Variants in SANBR observed in about 807,000 individuals in gnomAD.
The protein encoded by SANBR is SANT and BTB domain regulator of class switch recombination.
A neutral mutation model predicts 101.8 loss-of-function variants in SANBR; 77 were observed. The ratio of observed to expected loss-of-function variants is 0.76; its 90% CI spans 0.63 to 0.91. The LOEUF (loss-of-function observed/expected upper bound fraction) is 0.91, where lower values mean the gene tolerates loss of function less well. Among genes scored for constraint, SANBR ranks in the 40% least tolerant of loss-of-function variants. SANBR has a pLI of 0.00. For missense variants in SANBR, 875 were observed against 853.0 expected (o/e 1.03, Z -0.32); for synonymous variants, 279 against 274.7 (o/e 1.02, Z -0.15).
chr2:61,117,299 T>C, intron 17 of SANBR, 58 bp from the exon 18 acceptor site: 1 of 1,438,626 alleles, frequency 7.0e-7, no homozygotes, highest in Non-Finnish European at 9.8e-7. Flanking sequence ...TTACTAACTA[T>C]AGCACTAATC....
chr2:61,122,928 A>G lies in SANBR; in HGVS notation c.*766A>G, dbSNP rs912578706. 4 of 985,356 alleles carry G rather than the reference A, an allele frequency of 4.1e-6. No individual in the cohort carries two copies. In the African/African-American group the frequency reaches 5.2e-5, roughly 13 times the overall value. The allele number at this position is 985,356 out of a possible 1,614,324, so 61.0% of individuals were successfully genotyped here. A position where few individuals can be genotyped will look rare whatever the true frequency, so the allele number is the denominator to read the frequency against. ...TAGGATAGTAAATCATTTCTGTTAT[A>G]TGAGACACCCACTGTACAGTTCTCA... On this transcript the variant is annotated 3_prime_UTR_variant, in exon 22 of 22. Transcript: ENST00000402291.
Position 61,132,879 on chromosome 2 carries a change from A to C in SANBR, c.2029-1258A>C, listed in dbSNP as rs1341533931. On this transcript the variant is annotated intron_variant, in intron 20 of 21. Transcript: ENST00000295031. ...CTAAGTGAAAGAAGCCAGACACAAAAGATCACACGCTGCATGACTCTATTT... is the reference window on the plus strand; with the variant it reads ...CTAAGTGAAAGAAGCCAGACACAAACGATCACACGCTGCATGACTCTATTT... Among the ~76,000 whole-genome samples the C allele has an allele frequency of 2.6e-5, 4 of 152,266 alleles. No individual in the cohort carries two copies. The East Asian group carries it at 5.8e-4, about 22-fold the overall frequency.
chr2:61,115,035 C>T (rs1356399107), intron 16 of SANBR, among the ~76,000 whole-genome samples: 1 of 152,080 alleles, frequency 6.6e-6, no homozygotes, highest in Non-Finnish European at 1.5e-5. Context: ...ATGTATTTTT[C>T]AGGTTTTGAT....
chr2:61,080,443 C>T (rs1412834617), intron 6 of SANBR, among the ~76,000 whole-genome samples: 1 of 152,162 alleles, frequency 6.6e-6, no homozygotes, highest in Non-Finnish European at 1.5e-5. Context: ...AGAGCCTTCA[C>T]CGGGCGTGGT....
rs367590453 is a variant in SANBR at position 61,134,277 on chromosome 2, G to T, written c.*44+1G>T. 6.4e-7 allele frequency: 1 copy of T among 1,551,200 alleles called. No homozygotes were observed. Among genetic ancestry groups the T allele is most frequent in the Non-Finnish European group, 8.7e-7 (1 of 1,143,848 alleles). Reference sequence around the variant, plus strand: ...GACTTGGAATACTGCTTGACATATCGTAAGTGCTCAAAAATGTTAGCTATT... The same window carrying T: ...GACTTGGAATACTGCTTGACATATCTTAAGTGCTCAAAAATGTTAGCTATT... On this transcript the variant is annotated splice_donor_variant, in intron 21 of 21. Transcript: ENST00000295031. LOFTEE classifies it low-confidence loss of function (3UTR_SPLICE).
At chr2:61,082,820 GA>G (rs962109490) in intron 7 of SANBR, among the ~76,000 whole-genome samples, 4 of 145,266 alleles carry the variant, frequency 2.8e-5, no homozygotes, top group African/African-American at 7.5e-5. Context: ...CTCCATCTCA[GA>G]AAAAAAAAAG....
intron 21 of SANBR, among the ~76,000 whole-genome samples, chr2:61,134,841 C>A (rs1353243660): frequency 6.6e-6 from 1 of 151,934 alleles, no homozygotes; most frequent in East Asian, 1.9e-4. Context: ...TTGCAGTGAG[C>A]TGAGATCGCG....
chr2:61,128,898 G>A (rs921179571), downstream of SANBR, among the ~76,000 whole-genome samples: 1 of 151,956 alleles, frequency 6.6e-6, no homozygotes, highest in Non-Finnish European at 1.5e-5. Flanking sequence ...GGAGTTGGAG[G>A]CTGCAGTGAG....
chr2:61,117,417 C>CTTAT (rs779780731), intron 18 of SANBR, 32 bp downstream of exon 18: 103 of 1,612,344 alleles, frequency 6.4e-5, no homozygotes, highest in Middle Eastern at 1.6e-4. Flanking sequence ...AATCGGATAT[C>CTTAT]CACTCTTAAA....
At chr2:61,089,698 C>T (rs1243330564) in intron 10 of SANBR, 1 of 152,206 alleles carries the variant, frequency 6.6e-6, no homozygotes, top group African/African-American at 2.4e-5. Context: ...TAAATAAATA[C>T]ATAATACATA....
chr2:61,092,365 CAA>C (rs1255772658), intron 10 of SANBR, 97 bp from the exon 11 acceptor site: 1 of 921,950 alleles, frequency 1.1e-6, no homozygotes, highest in East Asian at 3.4e-5. Context: ...GCCTGGGCAA[CAA>C]GAGTGAAACT....
At chr2:61,089,075 C>G (rs539992934) in intron 10 of SANBR, 1 of 978,824 alleles carries the variant, frequency 1.0e-6, no homozygotes, top group African/African-American at 1.7e-5. Context: ...TTTTCACTAA[C>G]AGATTTTAGT....
In SANBR at chr2:61,080,876, T is replaced by C. The variant is rs544605416; in HGVS notation, c.671-576T>C. 3.3e-5 allele frequency among the ~76,000 whole-genome samples: 5 copies of C among 152,344 alleles called. No individual in the cohort carries two copies. The East Asian group carries it at 9.6e-4, about 29-fold the overall frequency. On this transcript the variant is annotated intron_variant, in intron 6 of 21. Coordinates refer to ENST00000402291, the MANE Select transcript of SANBR (RefSeq NM_001129993.3). The stretch of plus-strand genomic sequence containing the variant: ...GATGCAAAACAGAGTTTTCTTTCCT[T>C]AAACATACCTCGTGGGAGATGACAG...
In SANBR at chr2:61,123,827, C is replaced by T; in HGVS notation, c.*1665C>T. On this transcript the variant is annotated 3_prime_UTR_variant, in exon 22 of 22. Coordinates refer to ENST00000402291, the MANE Select transcript of SANBR (RefSeq NM_001129993.3). ...ATGCTTTTGGCCAGGTGTAGTGGCT[C>T]ACGCCAGTAATCCCAGCACTTTGGG... The T allele has an allele frequency of 2.0e-6, 2 of 979,546 alleles. No individual in the cohort carries two copies. The highest frequency in any genetic ancestry group is 2.4e-6 in the Non-Finnish European group (2 of 824,514). The allele number at this position is 979,546 out of a possible 1,614,324, so 60.7% of individuals were successfully genotyped here.
chr2:61,088,339 G>A lies in SANBR; in HGVS notation c.978-19G>A. The A allele has an allele frequency of 1.3e-6, 2 of 1,564,454 alleles. No individual in the cohort carries two copies. On this transcript the variant is annotated intron_variant, in intron 9 of 21. Coordinates refer to ENST00000402291, the MANE Select transcript of SANBR (RefSeq NM_001129993.3). ...ACATTCTTCTTCCTGGATGTTTTTT[G>A]TATCTTCTTTGTTTATAGATGCTGT...
At chr2:61,088,021 A>G in intron 8 of SANBR, 138 bp from the exon 9 acceptor site, 1 of 517,396 alleles carries the variant, frequency 1.9e-6, no homozygotes, top group East Asian at 3.1e-5. Flanking sequence ...TTAGAACACT[A>G]AAAATGTATT....
rs546304702 is a variant in SANBR, at chr2:61,075,978, A to G, written c.432-942A>G. The stretch of plus-strand genomic sequence containing the variant: ...TTCTTTGTGAAATGGTATTATTTTT[A>G]TAAACTTTATTTATTTATTTATTTA... On this transcript the variant is annotated intron_variant, in intron 5 of 21. Coordinates refer to ENST00000402291, the MANE Select transcript of SANBR (RefSeq NM_001129993.3). Among the ~76,000 whole-genome samples, 13 of 151,782 alleles carry G rather than the reference A, an allele frequency of 8.6e-5. No homozygotes were observed. The East Asian group carries it at 2.3e-3, about 27-fold the overall frequency.
At chr2:61,119,919 G>A (rs1033541514) in intron 20 of SANBR, among the ~76,000 whole-genome samples, 2 of 152,238 alleles carry the variant, frequency 1.3e-5, no homozygotes, top group Non-Finnish European at 1.5e-5. Context: ...CCAAGAGCAC[G>A]CCACTACACT....
chr2:61,076,136 G>A (rs1168417159), intron 5 of SANBR, among the ~76,000 whole-genome samples: 5 of 150,168 alleles, frequency 3.3e-5, no homozygotes, highest in Admixed American at 1.3e-4. Context: ...TGGGACTGCA[G>A]GTGCATGCCA....
Sources: allele counts gnomAD v4.1 joint callset (sites outside exome capture counted in the v4.1 genomes callset), GRCh38; gene constraint gnomAD v4.1.1; transcripts MANE v1.5; gene names NCBI Gene and HGNC (gene_info 2026-07-23, HGNC 2026-07-21).